Variants in CLRN1 observed in about 807,000 individuals in gnomAD.
The protein encoded by CLRN1 is clarin 1.
Under a neutral mutation model 18.7 loss-of-function variants are expected in CLRN1, and 15 were observed. That is an observed-to-expected ratio of 0.80 (90% CI 0.54 to 1.23). CLRN1 has a LOEUF of 1.23. CLRN1 is among the 50% of genes most tolerant of loss of function. The probability of loss-of-function intolerance (pLI) is 0.00; values close to 1 mark genes in which losing one functional copy is unlikely to be tolerated. For synonymous variants in CLRN1, 104 were observed against 102.9 expected (o/e 1.01, Z -0.07); for missense variants, 311 against 277.5 (o/e 1.12, Z -0.86).
At chr3:150,934,917 A>T (rs1049993654) in intron 2 of CLRN1, among the ~76,000 whole-genome samples, 2 of 151,090 alleles carry the variant, frequency 1.3e-5, no homozygotes, top group African/African-American at 4.9e-5. Context: ...TCCTGCCCGC[A>T]CCTCTATTAC....
intron 1 of CLRN1, among the ~76,000 whole-genome samples, chr3:150,966,738 T>C (rs1338071858): frequency 6.6e-6 from 1 of 152,176 alleles, no homozygotes. Flanking sequence ...TGATAAATGG[T>C]AGATATTTCA....
At chr3:150,949,849 G>A (rs1044274078) in intron 1 of CLRN1, among the ~76,000 whole-genome samples, 1 of 152,078 alleles carries the variant, frequency 6.6e-6, no homozygotes, top group African/African-American at 2.4e-5. Flanking sequence ...AGCCCAAATG[G>A]CCAAGGTAAT....
intron 1 of CLRN1, among the ~76,000 whole-genome samples, chr3:150,961,532 C>T (rs1216486627): frequency 6.6e-6 from 1 of 152,200 alleles, no homozygotes; most frequent in Non-Finnish European, 1.5e-5. Flanking sequence ...AGAACTAAGG[C>T]AGCCTCTGAT....
chr3:150,951,805 G>A (rs1714496692), intron 1 of CLRN1, among the ~76,000 whole-genome samples: 1 of 152,104 alleles, frequency 6.6e-6, no homozygotes, highest in African/African-American at 2.4e-5. Context: ...AAGAGAGAGA[G>A]GGGAGGTGCC....
At chr3:150,945,708 A>C (rs1576634533) in intron 1 of CLRN1, 1 of 1,148,170 alleles carries the variant, frequency 8.7e-7, no homozygotes, top group East Asian at 6.0e-5. Flanking sequence ...ATGCACATTA[A>C]AACTTTGAGA....
chr3:150,952,468 C>T (rs1406683050), intron 1 of CLRN1, among the ~76,000 whole-genome samples: 1 of 152,062 alleles, frequency 6.6e-6, no homozygotes, highest in Admixed American at 6.6e-5. Flanking sequence ...TCGGTAGATT[C>T]GGTGTATTAA....
chr3:150,962,004 C>A (rs577201694), intron 1 of CLRN1, among the ~76,000 whole-genome samples: 68 of 152,324 alleles, frequency 4.5e-4, no homozygotes, highest in African/African-American at 1.6e-3. Flanking sequence ...CTGAATTTCT[C>A]TCAGCTGAAG....
intron 2 of CLRN1, among the ~76,000 whole-genome samples, chr3:150,933,472 G>A (rs557754676): frequency 5.2e-4 from 79 of 152,200 alleles, no homozygotes; most frequent in African/African-American, 1.8e-3. Context: ...GTAGATATTT[G>A]GAGGAAGATT....
At chr3:150,957,673 G>A (rs542034701) in intron 1 of CLRN1, among the ~76,000 whole-genome samples, 8 of 152,092 alleles carry the variant, frequency 5.3e-5, no homozygotes, top group Admixed American at 4.6e-4. Flanking sequence ...TTAGGGGGTC[G>A]GTGGGGACGG....
intron 2 of CLRN1, among the ~76,000 whole-genome samples, chr3:150,937,688 T>G: frequency 6.6e-6 from 1 of 152,144 alleles, no homozygotes; most frequent in East Asian, 1.9e-4. Flanking sequence ...CTTGCATGGG[T>G]TTCATGCAAC....
chr3:150,945,478 C>A, intron 1 of CLRN1: 4 of 1,281,712 alleles, frequency 3.1e-6, no homozygotes, highest in Non-Finnish European at 3.0e-6. Context: ...TGGGTCAGAA[C>A]AAGCCCTTTG....
intron 2 of CLRN1, among the ~76,000 whole-genome samples, chr3:150,940,286 A>G (rs1713740371): frequency 6.6e-6 from 1 of 152,246 alleles, no homozygotes; most frequent in South Asian, 2.1e-4. Context: ...GGATGGGTGA[A>G]TAATGTGATT....
chr3:150,950,709 T>C (rs1028150832), intron 1 of CLRN1, among the ~76,000 whole-genome samples: 1 of 152,164 alleles, frequency 6.6e-6, no homozygotes, highest in Non-Finnish European at 1.5e-5. Flanking sequence ...AGTGGGAGTG[T>C]AAATTAGTTC....
intron 1 of CLRN1, among the ~76,000 whole-genome samples, chr3:150,961,211 A>G (rs987082539): frequency 2.0e-5 from 3 of 152,014 alleles, no homozygotes; most frequent in African/African-American, 7.2e-5. Flanking sequence ...CTTCCCTAAC[A>G]GTAAGGGCTT....
At chr3:150,956,072 A>G (rs891090114) in intron 1 of CLRN1, among the ~76,000 whole-genome samples, 27 of 152,216 alleles carry the variant, frequency 1.8e-4, no homozygotes, top group African/African-American at 5.5e-4. Context: ...AGATAACTGC[A>G]TAAGTTTTTT....
At chr3:150,944,305 G>A in intron 1 of CLRN1, 1 of 183,402 alleles carries the variant, frequency 5.5e-6, no homozygotes, top group Non-Finnish European at 1.2e-5. Flanking sequence ...ACCATGGCGA[G>A]GAGTTGGCTT....
chr3:150,945,520 T>G (rs1714115707), intron 1 of CLRN1: 2 of 1,287,070 alleles, frequency 1.6e-6, no homozygotes, highest in Non-Finnish European at 2.0e-6. Context: ...TAACTACATA[T>G]GTACATACAT....
rs1713505205 is a variant in CLRN1, at chr3:150,936,655, T to C, written c.433+4927A>G. 2.6e-5 allele frequency among the ~76,000 whole-genome samples: 4 copies of C among 152,208 alleles called. No homozygotes were observed. In the South Asian group the frequency reaches 8.3e-4, roughly 32 times the overall value. ...ATTTCTTAGAGAGGTAAATCAGCTA[T>C]CAGATATCTTTTTAAAATCTTTCAA... On this transcript the variant is annotated intron_variant, in intron 2 of 2. Coordinates refer to ENST00000327047, the MANE Select transcript of CLRN1 (RefSeq NM_174878.3).
chr3:150,945,010 AG>A (rs1714090922), intron 1 of CLRN1, among the ~76,000 whole-genome samples: 1 of 152,198 alleles, frequency 6.6e-6, no homozygotes, highest in Non-Finnish European at 1.5e-5. Flanking sequence ...GACTGGGGCT[AG>A]GGTAAGGCAA....
Sources: gnomAD v4.1 joint callset for allele counts (sites outside exome capture counted in the v4.1 genomes callset) on GRCh38, gnomAD v4.1.1 for gene constraint, MANE v1.5 for transcripts, NCBI Gene and HGNC (gene_info 2026-07-23, HGNC 2026-07-21) for gene names.